BMPER: variants seen among roughly 807,000 people sequenced by gnomAD.
BMPER encodes BMP-binding endothelial regulator protein.
A neutral mutation model predicts 87.3 loss-of-function variants in BMPER; 45 were observed. The ratio of observed to expected loss-of-function variants is 0.52; its 90% CI spans 0.41 to 0.66. The LOEUF is 0.66. BMPER is among the 30% of genes least tolerant of loss of function. BMPER has a pLI of 0.00. For synonymous variants in BMPER, 326 were observed against 316.2 expected, an observed-to-expected ratio of 1.03 and a Z score of -0.33; for missense variants, 784 against 867.5, an observed-to-expected ratio of 0.90 and a Z score of 1.21.
chr7:33,948,326 C>T (rs991400039), intron 3 of BMPER, among the ~76,000 whole-genome samples: 2 of 152,214 alleles, frequency 1.3e-5, no homozygotes, highest in Admixed American at 6.5e-5. Context: ...CAATCTTAGG[C>T]TTTCAGAGAT....
intron 6 of BMPER, among the ~76,000 whole-genome samples, chr7:33,997,823 A>G (rs1485485049): frequency 6.6e-6 from 1 of 152,160 alleles, no homozygotes; most frequent in Non-Finnish European, 1.5e-5. Flanking sequence ...CAGCTCCTTG[A>G]AGGAAATGAA....
At chr7:34,130,261 G>C (rs893681892) in intron 13 of BMPER, among the ~76,000 whole-genome samples, 2 of 151,662 alleles carry the variant, frequency 1.3e-5, no homozygotes, top group Admixed American at 6.6e-5. Flanking sequence ...CCTCTGATCT[G>C]ACAACCTACT....
At chr7:34,144,145 G>T (rs992816814) in intron 14 of BMPER, among the ~76,000 whole-genome samples, 1 of 152,156 alleles carries the variant, frequency 6.6e-6, no homozygotes, top group Non-Finnish European at 1.5e-5. Context: ...TTTCAGCCTA[G>T]CCCTGAAGGA....
At chr7:34,011,506 G>A (rs912703425) in intron 6 of BMPER, among the ~76,000 whole-genome samples, 1 of 134,396 alleles carries the variant, frequency 7.4e-6, no homozygotes, top group Non-Finnish European at 1.5e-5. Flanking sequence ...TATGGAAGAT[G>A]AGTAAAAATT....
At chr7:34,127,429 T>A (rs1583463803) in intron 13 of BMPER, among the ~76,000 whole-genome samples, 1 of 152,244 alleles carries the variant, frequency 6.6e-6, no homozygotes, top group Middle Eastern at 3.4e-3. Flanking sequence ...GTACTGTAGC[T>A]TAGAAGCAGC....
chr7:34,124,611 A>G (rs1319505298), intron 13 of BMPER, among the ~76,000 whole-genome samples: 1 of 152,158 alleles, frequency 6.6e-6, no homozygotes, highest in Non-Finnish European at 1.5e-5. Context: ...TTTGCAAGCA[A>G]GTAAAATTGT....
intron 3 of BMPER, among the ~76,000 whole-genome samples, chr7:33,946,256 T>G (rs1395321660): frequency 6.6e-6 from 1 of 152,132 alleles, no homozygotes; most frequent in Non-Finnish European, 1.5e-5. Context: ...ATGATTCAAT[T>G]ACTTCCCACT....
intron 6 of BMPER, among the ~76,000 whole-genome samples, chr7:33,994,161 C>G (rs1262794550): frequency 5.3e-5 from 8 of 152,330 alleles, no homozygotes; most frequent in South Asian, 2.1e-4. Context: ...GTTCGAGCTT[C>G]CAGGCTGCTT....
chr7:33,994,005 A>G (rs1489201622), intron 6 of BMPER, among the ~76,000 whole-genome samples: 1 of 152,186 alleles, frequency 6.6e-6, no homozygotes, highest in Non-Finnish European at 1.5e-5. Context: ...TTACTGGGAG[A>G]ACCACTGCTC....
intron 11 of BMPER, among the ~76,000 whole-genome samples, chr7:34,063,470 A>T (rs1788496493): frequency 6.6e-6 from 1 of 152,108 alleles, no homozygotes; most frequent in Non-Finnish European, 1.5e-5. Context: ...TTAGAAGCAG[A>T]GAGCTATTAA....
At chr7:34,045,726 C>T (rs945310196) in intron 6 of BMPER, among the ~76,000 whole-genome samples, 1 of 152,180 alleles carries the variant, frequency 6.6e-6, no homozygotes, top group African/African-American at 2.4e-5. Flanking sequence ...TTGGCCACTT[C>T]ATCTACCTGG....
At chr7:34,083,447 AC>A (rs1367023505) in intron 12 of BMPER, among the ~76,000 whole-genome samples, 2 of 151,820 alleles carry the variant, frequency 1.3e-5, no homozygotes, top group African/African-American at 4.9e-5. Context: ...TCTTCTCTCA[AC>A]CAAGAAATCT....
chr7:34,091,927 C>T (rs17751594), intron 13 of BMPER, among the ~76,000 whole-genome samples: 1,886 of 152,274 alleles, frequency 0.012, 18 homozygotes, highest in Non-Finnish European at 0.02. Context: ...CTTATTTCTT[C>T]AGCATTGGAT....
chr7:33,937,987 G>A (rs999515522), intron 3 of BMPER, among the ~76,000 whole-genome samples: 2 of 152,126 alleles, frequency 1.3e-5, no homozygotes, highest in African/African-American at 4.8e-5. Context: ...TGGCCTTAGT[G>A]TGGGTCTTTT....
chr7:34,083,851 T>G (rs1422050026), intron 12 of BMPER, among the ~76,000 whole-genome samples: 1 of 152,100 alleles, frequency 6.6e-6, no homozygotes, highest in Non-Finnish European at 1.5e-5. Context: ...CACCACCTCA[T>G]CTTCCAACTT....
intron 2 of BMPER, among the ~76,000 whole-genome samples, chr7:33,926,057 G>A (rs181020537): frequency 1.3e-5 from 2 of 152,270 alleles, no homozygotes; most frequent in African/African-American, 4.8e-5. Context: ...GGAGGTGCCT[G>A]TGCTGTGTTT....
intron 3 of BMPER, among the ~76,000 whole-genome samples, chr7:33,941,058 T>TA (rs1203978226): frequency 2.2e-5 from 3 of 135,452 alleles, no homozygotes; most frequent in African/African-American, 8.3e-5. Context: ...TTATATGTAA[T>TA]ATATTACATA....
intron 2 of BMPER, among the ~76,000 whole-genome samples, chr7:33,911,926 C>A (rs568688157): frequency 6.6e-6 from 1 of 152,074 alleles, no homozygotes; most frequent in Non-Finnish European, 1.5e-5. Context: ...GGACGACGGA[C>A]GAGACATAGG....
intron 13 of BMPER, among the ~76,000 whole-genome samples, chr7:34,109,503 A>G (rs1789906859): frequency 6.6e-6 from 1 of 152,230 alleles, no homozygotes; most frequent in African/African-American, 2.4e-5. Context: ...ATCACAATTG[A>G]GATATGAACT....
Sources: gnomAD v4.1 joint callset for allele counts (sites outside exome capture counted in the v4.1 genomes callset) on GRCh38, gnomAD v4.1.1 for gene constraint, MANE v1.5 for transcripts, NCBI Gene and HGNC (gene_info 2026-07-23, HGNC 2026-07-21) for gene names.